The following SCHIP1 variants were observed in gnomAD, a reference collection of about 807,000 sequenced individuals.
The protein encoded by SCHIP1 is schwannomin interacting protein 1, also known as schwannomin-interacting protein 1.
SCHIP1 carries 8 observed loss-of-function variants against 29.7 expected under a neutral mutation model. The ratio of observed to expected loss-of-function variants is 0.27; its 90% CI spans 0.16 to 0.49. SCHIP1 has a LOEUF of 0.49. Among genes scored for constraint, SCHIP1 ranks in the 20% least tolerant of loss-of-function variants. SCHIP1 has a pLI of 0.99. For synonymous variants in SCHIP1, 76 were observed against 94.9 expected, an observed-to-expected ratio of 0.80 and a Z score of 1.16; for missense variants, 193 against 294.6, an observed-to-expected ratio of 0.66 and a Z score of 2.52.
chr3:159,306,023 A>G, the SCHIP1 span, among the ~76,000 whole-genome samples: 2 of 152,322 alleles, frequency 1.3e-5, no homozygotes, highest in Admixed American at 6.5e-5. Flanking sequence ...CACACTGAAT[A>G]TGGAACCAGG....
chr3:159,318,358 C>T, the SCHIP1 span, among the ~76,000 whole-genome samples: 1 of 152,198 alleles, frequency 6.6e-6, no homozygotes, highest in African/African-American at 2.4e-5. Flanking sequence ...CCTGACCATC[C>T]AACCAAACCA....
intron 1 of SCHIP1, among the ~76,000 whole-genome samples, chr3:159,859,602 G>A (rs1713799305): frequency 6.6e-6 from 1 of 152,162 alleles, no homozygotes; most frequent in African/African-American, 2.4e-5. Context: ...TGAAGCAAGG[G>A]GATCATTAAT....
the SCHIP1 span, among the ~76,000 whole-genome samples, chr3:159,495,052 A>C: frequency 6.6e-6 from 1 of 152,246 alleles, no homozygotes; most frequent in Non-Finnish European, 1.5e-5. Context: ...GACAAAATTC[A>C]ACAGCCCTTC....
the SCHIP1 span, among the ~76,000 whole-genome samples, chr3:159,676,388 T>C: frequency 6.6e-6 from 1 of 152,206 alleles, no homozygotes; most frequent in African/African-American, 2.4e-5. Context: ...ATTTGGCTAA[T>C]TAAATTCATT....
chr3:159,622,685 G>A, the SCHIP1 span, among the ~76,000 whole-genome samples: 22 of 152,140 alleles, frequency 1.4e-4, no homozygotes, highest in South Asian at 4.2e-4. Context: ...TTGGGAGGCC[G>A]AGGCGGGTGG....
the SCHIP1 span, among the ~76,000 whole-genome samples, chr3:159,702,785 A>G: frequency 1.3e-5 from 2 of 152,266 alleles, no homozygotes. Context: ...AGGTTCAACT[A>G]TACCAACTTT....
chr3:159,634,660 C>G, the SCHIP1 span, among the ~76,000 whole-genome samples: 2 of 152,180 alleles, frequency 1.3e-5, no homozygotes, highest in Non-Finnish European at 2.9e-5. Flanking sequence ...CTGTGTGTGG[C>G]TGATGGGAAT....
the SCHIP1 span, among the ~76,000 whole-genome samples, chr3:159,362,700 TC>T: frequency 3.9e-5 from 6 of 152,042 alleles, no homozygotes; most frequent in Admixed American, 1.3e-4. Context: ...GGCCAGGATT[TC>T]CCCCCCGGCC....
At chr3:159,708,771 T>C in the SCHIP1 span, among the ~76,000 whole-genome samples, 1,019 of 152,272 alleles carry the variant, frequency 6.7e-3, 7 homozygotes, top group African/African-American at 0.024. Flanking sequence ...ATGAACCAAG[T>C]GACCTGAGTC....
the SCHIP1 span, among the ~76,000 whole-genome samples, chr3:159,726,987 A>G: frequency 3.4e-3 from 520 of 152,318 alleles, 5 homozygotes; most frequent in African/African-American, 0.012. Context: ...GAAACATAGG[A>G]GAGGAAGCTT....
At chr3:159,568,400 T>C in the SCHIP1 span, among the ~76,000 whole-genome samples, 41,199 of 151,994 alleles carry the variant, frequency 0.27, 9,009 homozygotes, top group African/African-American at 0.6. Context: ...CCATTATGTA[T>C]GTACTATAAA....
chr3:159,838,172 G>C (rs575439939), upstream of SCHIP1, among the ~76,000 whole-genome samples: 1 of 152,180 alleles, frequency 6.6e-6, no homozygotes, highest in Non-Finnish European at 1.5e-5. Context: ...CAAGGGAGTC[G>C]AATTGAGATA....
At chr3:159,665,546 T>TTGTGTGTGTGTGTGTGTG in the SCHIP1 span, among the ~76,000 whole-genome samples, 253 of 147,564 alleles carry the variant, frequency 1.7e-3, 1 homozygote, top group African/African-American at 6.2e-3. Flanking sequence ...GTTTTTGGGG[T>TTGTGTGTGTGTGTGTGTG]TGTGTGTGTG....
chr3:159,413,368 TA>T, the SCHIP1 span, among the ~76,000 whole-genome samples: 1,091 of 152,352 alleles, frequency 7.2e-3, 13 homozygotes, highest in African/African-American at 0.025. Flanking sequence ...GATCTTTTTA[TA>T]ACTTACTTTT....
the SCHIP1 span, among the ~76,000 whole-genome samples, chr3:159,438,440 C>T: frequency 3.3e-5 from 5 of 152,226 alleles, no homozygotes; most frequent in South Asian, 2.1e-4. Context: ...ACACACAGAC[C>T]GGACAGAAGG....
chr3:159,343,902 A>T, the SCHIP1 span, among the ~76,000 whole-genome samples: 8 of 152,158 alleles, frequency 5.3e-5, no homozygotes, highest in African/African-American at 1.9e-4. Flanking sequence ...GTTTTTATGG[A>T]TAATATTTGA....
At chr3:159,437,369 T>C in the SCHIP1 span, among the ~76,000 whole-genome samples, 4 of 152,170 alleles carry the variant, frequency 2.6e-5, no homozygotes, top group African/African-American at 9.6e-5. Context: ...AGGTTCCTCC[T>C]CTAGGATTTT....
At chr3:159,277,023 C>T in the SCHIP1 span, among the ~76,000 whole-genome samples, 1 of 152,134 alleles carries the variant, frequency 6.6e-6, no homozygotes, top group African/African-American at 2.4e-5. Flanking sequence ...TGCCTGATTC[C>T]ATTAATAAGA....
the SCHIP1 span, among the ~76,000 whole-genome samples, chr3:159,520,989 A>G: frequency 6.6e-6 from 1 of 152,218 alleles, no homozygotes; most frequent in South Asian, 2.1e-4. Flanking sequence ...GTAATTTTCT[A>G]AGAATAAATT....
Sources: allele counts gnomAD v4.1 joint callset (sites outside exome capture counted in the v4.1 genomes callset), GRCh38; gene constraint gnomAD v4.1.1; transcripts MANE v1.5; gene names NCBI Gene and HGNC (gene_info 2026-07-23, HGNC 2026-07-21).